The following SUMF1 variants were observed in gnomAD, a reference collection of about 807,000 sequenced individuals.
The protein encoded by SUMF1 is sulfatase modifying factor 1.
A neutral mutation model predicts 47.6 loss-of-function variants in SUMF1; 48 were observed. The ratio of observed to expected loss-of-function variants is 1.01; its 90% CI spans 0.80 to 1.28. The LOEUF is 1.28. Ranked by LOEUF, SUMF1 falls within the 50% of genes most tolerant of loss-of-function variation. The probability of loss-of-function intolerance (pLI) is 0.00; values close to 1 mark genes in which losing one functional copy is unlikely to be tolerated. For synonymous variants in SUMF1, 230 were observed against 192.1 expected, an observed-to-expected ratio of 1.20 and a Z score of -1.63; for missense variants, 571 against 485.4, an observed-to-expected ratio of 1.18 and a Z score of -1.66.
chr3:4,259,245 C>T (rs1047584734), intron 8 of SUMF1, among the ~76,000 whole-genome samples: 19 of 151,626 alleles, frequency 1.3e-4, no homozygotes, highest in Non-Finnish European at 4.4e-5. Context: ...CACATGTACC[C>T]TAAAACTTAA....
chr3:4,463,390 T>A (rs2079863472), intron 1 of SUMF1, among the ~76,000 whole-genome samples: 1 of 152,148 alleles, frequency 6.6e-6, no homozygotes, highest in Non-Finnish European at 1.5e-5. Flanking sequence ...CTTGGGAGGC[T>A]GAGGCAGGAG....
intron 8 of SUMF1, among the ~76,000 whole-genome samples, chr3:4,347,419 C>G (rs371089200): frequency 1.3e-5 from 2 of 152,112 alleles, no homozygotes; most frequent in Admixed American, 6.5e-5. Flanking sequence ...ATAAACAGAA[C>G]CAATGACAAA....
At chr3:4,458,987 A>T (rs2079740402) in intron 1 of SUMF1, among the ~76,000 whole-genome samples, 1 of 152,200 alleles carries the variant, frequency 6.6e-6, no homozygotes, top group Non-Finnish European at 1.5e-5. Flanking sequence ...TGTGAAATCT[A>T]AAAAAGTTGA....
chr3:4,119,064 C>G (rs1253254850), intron 8 of SUMF1, among the ~76,000 whole-genome samples: 4 of 152,052 alleles, frequency 2.6e-5, no homozygotes, highest in Non-Finnish European at 4.4e-5. Context: ...CTCCCCAAAC[C>G]CAAATCCACC....
intron 8 of SUMF1, among the ~76,000 whole-genome samples, chr3:4,239,124 A>G (rs1696479085): frequency 1.3e-5 from 2 of 151,994 alleles, no homozygotes; most frequent in South Asian, 4.1e-4. Flanking sequence ...GTTCTGTTCC[A>G]TTGGTCTATA....
At position 4,219,051 on chromosome 3, in the gene SUMF1, C is replaced by T. The variant is rs145471754; in HGVS notation, c.1015-150306G>A. ...GCTGTATGACTTTTTTCTTTCCTCC[C>T]GCAAACAGCAGTAGCAGGATTAATG... is the stretch of plus-strand genomic sequence containing the variant. On this transcript the variant is annotated intron_variant and NMD_transcript_variant, in intron 8 of 12. Coordinates refer to the SUMF1 transcript ENST00000448413. 1.1e-4 allele frequency among the ~76,000 whole-genome samples: 17 copies of T among 152,184 alleles called. No homozygotes were observed. The East Asian group carries it at 2.7e-3, about 24-fold the overall frequency.
exon 9 of SUMF1, chr3:4,068,677 G>A (rs1465480848): frequency 2.2e-5 from 10 of 451,778 alleles, no homozygotes; most frequent in South Asian, 1.6e-4. Context: ...CCTTCCACCT[G>A]CTGGCTGTGT....
intron 3 of SUMF1, among the ~76,000 whole-genome samples, chr3:4,421,161 T>C (rs1280462837): frequency 6.6e-6 from 1 of 152,198 alleles, no homozygotes; most frequent in East Asian, 1.9e-4. Context: ...AACACAGGCT[T>C]TGGAGCCAGT....
chr3:4,453,375 C>A (rs1000480900), intron 1 of SUMF1, among the ~76,000 whole-genome samples: 1 of 148,368 alleles, frequency 6.7e-6, no homozygotes, highest in Admixed American at 6.8e-5. Context: ...TCCCACTTTT[C>A]TTTTTTTTTT....
intron 8 of SUMF1, among the ~76,000 whole-genome samples, chr3:4,276,284 G>A (rs1473911329): frequency 6.6e-6 from 1 of 152,128 alleles, no homozygotes; most frequent in African/African-American, 2.4e-5. Flanking sequence ...AGCACATTAT[G>A]AATATGCATG....
intron 8 of SUMF1, among the ~76,000 whole-genome samples, chr3:4,252,169 A>C (rs963974702): frequency 6.6e-6 from 1 of 152,194 alleles, no homozygotes; most frequent in African/African-American, 2.4e-5. Context: ...TCTGAGAACA[A>C]TTCTAATCTA....
chr3:4,090,015 C>CT (rs1692750312), intron 8 of SUMF1, among the ~76,000 whole-genome samples: 1 of 152,116 alleles, frequency 6.6e-6, no homozygotes, highest in Non-Finnish European at 1.5e-5. Context: ...TATCTCAAAT[C>CT]AACAAACTGT....
chr3:4,227,507 G>A (rs921936110), intron 8 of SUMF1, among the ~76,000 whole-genome samples: 2 of 152,002 alleles, frequency 1.3e-5, no homozygotes, highest in South Asian at 2.1e-4. Context: ...CCTCCCCGCC[G>A]GACTTCCTGA....
chr3:4,427,217 T>A (rs1702096984), intron 3 of SUMF1, among the ~76,000 whole-genome samples: 1 of 152,238 alleles, frequency 6.6e-6, no homozygotes, highest in African/African-American at 2.4e-5. Context: ...TTACAACTGC[T>A]CTCTTAAAAA....
intron 8 of SUMF1, among the ~76,000 whole-genome samples, chr3:4,198,649 C>T (rs1183203027): frequency 6.6e-6 from 1 of 152,060 alleles, no homozygotes; most frequent in African/African-American, 2.4e-5. Flanking sequence ...ATATGCCTCC[C>T]TGTAGCTTTG....
intron 8 of SUMF1, among the ~76,000 whole-genome samples, chr3:4,172,890 G>T (rs1210430263): frequency 6.6e-6 from 1 of 152,128 alleles, no homozygotes; most frequent in Non-Finnish European, 1.5e-5. Context: ...GGCTTCTGTT[G>T]CCATTGCTTT....
At chr3:4,114,216 T>C (rs1161848525) in intron 8 of SUMF1, among the ~76,000 whole-genome samples, 1 of 152,134 alleles carries the variant, frequency 6.6e-6, no homozygotes, top group African/African-American at 2.4e-5. Flanking sequence ...AAAATTACAA[T>C]GGGGAAGGAC....
At chr3:4,107,015 T>A (rs1214189962) in intron 8 of SUMF1, among the ~76,000 whole-genome samples, 1 of 152,076 alleles carries the variant, frequency 6.6e-6, no homozygotes, top group Non-Finnish European at 1.5e-5. Context: ...CCTAGAGGGC[T>A]TTGAGGGTTT....
At chr3:4,138,074 A>C (rs1693986866) in intron 8 of SUMF1, among the ~76,000 whole-genome samples, 1 of 152,098 alleles carries the variant, frequency 6.6e-6, no homozygotes, top group Non-Finnish European at 1.5e-5. Context: ...AGCATCAAAA[A>C]AATAAAATAC....
Sources: allele counts gnomAD v4.1 joint callset (sites outside exome capture counted in the v4.1 genomes callset), GRCh38; gene constraint gnomAD v4.1.1; transcripts MANE v1.5; gene names NCBI Gene and HGNC (gene_info 2026-07-23, HGNC 2026-07-21).